The following MME variants were observed in gnomAD, a reference collection of about 807,000 sequenced individuals.
MME encodes membrane metalloendopeptidase.
A neutral mutation model predicts 113.2 loss-of-function variants in MME; 98 were observed. That is an observed-to-expected ratio of 0.87 (90% CI 0.74 to 1.02). The LOEUF is 1.02. MME is among the 50% of genes least tolerant of loss of function. MME has a pLI of 0.00. For synonymous variants in MME, 292 were observed against 300.6 expected, an observed-to-expected ratio of 0.97 and a Z score of 0.30; for missense variants, 836 against 896.0, an observed-to-expected ratio of 0.93 and a Z score of 0.86.
At position 155,116,551 on chromosome 3, in the gene MME, T is replaced by C. The variant is rs1166335980; in HGVS notation, c.431T>C (p.Ile144Thr). 1.6e-5 allele frequency: 25 copies of C among 1,605,838 alleles called. No homozygotes were observed. Among genetic ancestry groups the C allele is most frequent in the Non-Finnish European group, 2.1e-5 (25 of 1,173,146 alleles). Residue 144 changes from isoleucine (I) to threonine (T), a missense_variant, in exon 5 of 23, where the codon ATA becomes ACA. Coordinates refer to ENST00000360490, the MANE Select transcript of MME (RefSeq NM_007289.4). ...GCAAAAGCATTGTACAGGTCTTGTA[T>C]AAATGAATGTAAGTGCTCTTCATTT... ...QKAKALYRSCINESAIDSRGG... is the reference protein window; with the variant it reads ...QKAKALYRSCTNESAIDSRGG...
At position 155,180,502 on chromosome 3, in the gene MME, AC is replaced by A; in HGVS notation, c.*45del. On this transcript the variant is annotated 3_prime_UTR_variant, in exon 23 of 23. Transcript: ENST00000360490. ...GCAGCCCTTGGCTAGACTTGCCAAC[AC>A]CACAGAAATGGGGAATTCTCTAATC... The A allele has an allele frequency of 6.9e-7, 1 of 1,452,406 alleles. No individual in the cohort carries two copies. The highest frequency in any genetic ancestry group is 9.7e-7 in the Non-Finnish European group (1 of 1,033,080). The allele number at this position is 1,452,406 out of a possible 1,614,324, so 90.0% of individuals were successfully genotyped here. A position where few individuals can be genotyped will look rare whatever the true frequency, so the allele number is the denominator to read the frequency against.
At chr3:155,163,727 C>T (rs1164646635) in intron 17 of MME, among the ~76,000 whole-genome samples, 1 of 151,902 alleles carries the variant, frequency 6.6e-6, no homozygotes, top group African/African-American at 2.4e-5. Flanking sequence ...CAGTCTGTGT[C>T]GACTATAAAT....
intron 13 of MME, among the ~76,000 whole-genome samples, chr3:155,144,106 AT>A (rs1721326977): frequency 6.6e-6 from 1 of 152,172 alleles, no homozygotes; most frequent in Non-Finnish European, 1.5e-5. Flanking sequence ...TAGTGAAACC[AT>A]TATATTCTGA....
chr3:155,102,754 T>C (rs1394773563), intron 3 of MME, among the ~76,000 whole-genome samples: 1 of 152,148 alleles, frequency 6.6e-6, no homozygotes, highest in Non-Finnish European at 1.5e-5. Context: ...CCCATGATCA[T>C]TTCCCTCCCC....
intron 3 of MME, among the ~76,000 whole-genome samples, chr3:155,101,626 G>T (rs907150036): frequency 6.6e-6 from 1 of 152,076 alleles, no homozygotes; most frequent in Non-Finnish European, 1.5e-5. Flanking sequence ...CTGAAATCTA[G>T]CTTAGCTCTT....
rs1473092688 is a variant in MME, at chr3:155,115,034, T to C, written c.237T>C (p.Pro79=). ...AAAACATGGATGCCACCACTGAGCC[T>C]TGTACAGACTTTTTCAAATATGCTT... The part of the protein sequence containing the change: ...LIQNMDATTE[P]CTDFFKYACG... The change falls in exon 4 of 23, where the codon CCT becomes CCC. Residue 79 remains proline (P), a synonymous_variant. Coordinates refer to ENST00000360490, the MANE Select transcript of MME (RefSeq NM_007289.4). 1 of 1,614,052 alleles carries C rather than the reference T, an allele frequency of 6.2e-7. No individual in the cohort carries two copies. The highest frequency in any genetic ancestry group is 8.5e-7 in the Non-Finnish European group (1 of 1,180,018).
intron 1 of MME, among the ~76,000 whole-genome samples, chr3:155,030,163 A>G (rs571505901): frequency 6.6e-6 from 1 of 152,310 alleles, no homozygotes; most frequent in East Asian, 1.9e-4. Context: ...CAATCAAGAT[A>G]AAATGGTTGA....
intron 1 of MME, among the ~76,000 whole-genome samples, chr3:155,069,241 A>G (rs1714476343): frequency 6.6e-6 from 1 of 152,168 alleles, no homozygotes; most frequent in African/African-American, 2.4e-5. Flanking sequence ...AGAAGAAATG[A>G]TGCTTTATTT....
At chr3:155,093,756 T>A (rs1230760558) in intron 3 of MME, among the ~76,000 whole-genome samples, 1 of 151,128 alleles carries the variant, frequency 6.6e-6, no homozygotes, top group Non-Finnish European at 1.5e-5. Context: ...CTCGGGAGGC[T>A]GAGGCACAAG....
chr3:155,087,419 A>G (rs1315044086), intron 3 of MME, among the ~76,000 whole-genome samples: 6 of 151,924 alleles, frequency 3.9e-5, no homozygotes, highest in Admixed American at 1.3e-4. Flanking sequence ...AAGTTTCTTT[A>G]TTCCCCAGGG....
In MME at chr3:155,180,585, G is replaced by A. The variant is rs199580908; in HGVS notation, c.*126G>A. ...TGACTTGAGGGTGATTAACAGAGAG[G>A]GCACCATCACAATACAGATAACATT... On this transcript the variant is annotated 3_prime_UTR_variant, in exon 23 of 23. Transcript: ENST00000360490. The A allele has an allele frequency of 7.9e-6, 6 of 758,864 alleles. No homozygotes were observed. The highest frequency in any genetic ancestry group is 4.2e-5 in the South Asian group (3 of 70,902). The allele number at this position is 758,864 out of a possible 1,614,324, so 47.0% of individuals were successfully genotyped here. A position where few individuals can be genotyped will look rare whatever the true frequency, so the allele number is the denominator to read the frequency against.
intron 16 of MME, among the ~76,000 whole-genome samples, chr3:155,151,913 C>CT (rs896411398): frequency 2.0e-5 from 3 of 152,078 alleles, no homozygotes; most frequent in African/African-American, 4.8e-5. Context: ...TATTATCCTA[C>CT]TTTTTTTACC....
intron 1 of MME, among the ~76,000 whole-genome samples, chr3:155,064,308 A>G (rs938154494): frequency 6.6e-6 from 1 of 152,104 alleles, no homozygotes; most frequent in African/African-American, 2.4e-5. Context: ...TTATACATAT[A>G]TAATATAACA....
At chr3:155,113,184 A>T (rs1342511577) in intron 3 of MME, among the ~76,000 whole-genome samples, 2 of 152,220 alleles carry the variant, frequency 1.3e-5, no homozygotes, top group Non-Finnish European at 2.9e-5. Context: ...GACGAGGGCC[A>T]TCTGGTTGGA....
In MME at chr3:155,180,342, T is replaced by C. The variant is rs201803849; in HGVS notation, c.2154-18T>C. 20 of 1,603,614 alleles carry C rather than the reference T, an allele frequency of 1.2e-5. No individual in the cohort carries two copies. Among genetic ancestry groups the C allele is most frequent in the Non-Finnish European group, 1.7e-5 (20 of 1,170,682 alleles). ...GAGTATCAAATGCTGACGGTGACTT[T>C]TTTTGTTTGTTTCAAAGGATTATTG... On this transcript the variant is annotated intron_variant, in intron 22 of 22. Coordinates refer to ENST00000360490, the MANE Select transcript of MME (RefSeq NM_007289.4).
chr3:155,129,605 G>A (rs897448959), intron 8 of MME, among the ~76,000 whole-genome samples: 1 of 152,112 alleles, frequency 6.6e-6, no homozygotes, highest in Non-Finnish European at 1.5e-5. Context: ...CATTCACCGT[G>A]TCTGCTCTTC....
chr3:155,172,397 T>C (rs568933401), intron 21 of MME, 139 bp from the exon 22 acceptor site: 3 of 829,552 alleles, frequency 3.6e-6, no homozygotes, highest in African/African-American at 1.7e-5. Flanking sequence ...TTGCCTTTCA[T>C]TGAACATTAT....
At chr3:155,059,367 T>C (rs1274516419) in intron 1 of MME, among the ~76,000 whole-genome samples, 1 of 152,132 alleles carries the variant, frequency 6.6e-6, no homozygotes, top group Non-Finnish European at 1.5e-5. Context: ...AGCTGATATT[T>C]ATAAAGAGCT....
At chr3:155,137,726 A>T (rs968989435) in intron 8 of MME, among the ~76,000 whole-genome samples, 2 of 152,178 alleles carry the variant, frequency 1.3e-5, no homozygotes, top group African/African-American at 4.8e-5. Context: ...AAAATAAAAT[A>T]AAAAAAGAAA....
Sources: gnomAD v4.1 joint callset for allele counts (sites outside exome capture counted in the v4.1 genomes callset) on GRCh38, gnomAD v4.1.1 for gene constraint, MANE v1.5 for transcripts, NCBI Gene and HGNC (gene_info 2026-07-23, HGNC 2026-07-21) for gene names.